PRORP: variants seen among roughly 807,000 people sequenced by gnomAD.
The protein encoded by PRORP is protein only RNase P catalytic subunit.
In PRORP, 51 loss-of-function variants were observed where a neutral mutation model predicts 59.4. That is an observed-to-expected ratio of 0.86 (90% CI 0.69 to 1.08). The LOEUF is 1.08. PRORP is among the 50% of genes least tolerant of loss of function. The pLI is 0.00. For synonymous variants in PRORP, 231 were observed against 245.6 expected (o/e 0.94, Z 0.55); for missense variants, 646 against 690.3 (o/e 0.94, Z 0.72).
chr14:35,246,226 C>T (rs2050480194), intron 5 of PRORP, among the ~76,000 whole-genome samples: 1 of 152,128 alleles, frequency 6.6e-6, no homozygotes, highest in South Asian at 2.1e-4. Flanking sequence ...CTATTTCATT[C>T]TAGAAACTGA....
intron 4 of PRORP, among the ~76,000 whole-genome samples, chr14:35,139,881 C>T (rs943707508): frequency 6.9e-6 from 1 of 145,734 alleles, no homozygotes; most frequent in African/African-American, 2.4e-5. Context: ...CTTCTCTTTC[C>T]TACCTTCAGA....
chr14:35,152,991 C>T (rs537991498), intron 4 of PRORP, among the ~76,000 whole-genome samples: 240 of 152,280 alleles, frequency 1.6e-3, no homozygotes, highest in African/African-American at 5.5e-3. Context: ...GACGGGGTGG[C>T]GGCCGGGCAG....
At chr14:35,266,064 T>G (rs1056500052) in intron 5 of PRORP, among the ~76,000 whole-genome samples, 1 of 149,556 alleles carries the variant, frequency 6.7e-6, no homozygotes, top group Non-Finnish European at 1.5e-5. Flanking sequence ...ATGCCTGTAA[T>G]CCCAGCACTT....
Position 35,273,680 on chromosome 14 carries a change from C to G in PRORP, c.*114C>G, listed in dbSNP as rs1197113482. 1 of 880,024 alleles carries G rather than the reference C, an allele frequency of 1.1e-6. No individual in the cohort carries two copies. The highest frequency in any genetic ancestry group is 1.7e-5 in the African/African-American group (1 of 58,058). 54.5% of individuals were successfully genotyped at this position (880,024 alleles called of 1,614,324 possible). A position where few individuals can be genotyped will look rare whatever the true frequency, so the allele number is the denominator to read the frequency against. On this transcript the variant is annotated 3_prime_UTR_variant, in exon 8 of 8. Coordinates refer to ENST00000534898, the MANE Select transcript of PRORP (RefSeq NM_014672.4). ...CCTCTGTCCTGAAGATAAAAGGATT[C>G]TATTAACAGCATTGACATTGATTTT...
chr14:35,142,627 A>T (rs2047509099), intron 4 of PRORP, among the ~76,000 whole-genome samples: 1 of 144,242 alleles, frequency 6.9e-6, no homozygotes, highest in Non-Finnish European at 1.5e-5. Context: ...GGATTGCCTG[A>T]GCTCAGAAGT....
intron 5 of PRORP, among the ~76,000 whole-genome samples, chr14:35,181,263 G>C (rs566197065): frequency 1.7e-3 from 264 of 151,878 alleles, no homozygotes; most frequent in African/African-American, 6.2e-3. Context: ...ATTTATAAAT[G>C]CCCTACTAGT....
intron 5 of PRORP, among the ~76,000 whole-genome samples, chr14:35,216,460 C>T (rs867968792): frequency 1.3e-5 from 2 of 152,150 alleles, no homozygotes; most frequent in South Asian, 2.1e-4. Flanking sequence ...AGGCACGTGC[C>T]ACCACACCTG....
chr14:35,187,198 A>G (rs1037433185), intron 5 of PRORP, among the ~76,000 whole-genome samples: 3 of 152,184 alleles, frequency 2.0e-5, no homozygotes, highest in Non-Finnish European at 4.4e-5. Flanking sequence ...GGTGGGTCAT[A>G]TGATAACTCT....
intron 5 of PRORP, among the ~76,000 whole-genome samples, chr14:35,238,807 G>A (rs2050286327): frequency 6.6e-6 from 1 of 152,158 alleles, no homozygotes; most frequent in South Asian, 2.1e-4. Flanking sequence ...CTGTGCTTAA[G>A]CAGTCCTATG....
At chr14:35,204,062 C>A (rs1300682325) in intron 5 of PRORP, among the ~76,000 whole-genome samples, 4 of 152,140 alleles carry the variant, frequency 2.6e-5, no homozygotes, top group African/African-American at 9.7e-5. Flanking sequence ...GTATCTGTTA[C>A]CTCCTTTAAT....
At chr14:35,245,543 G>A (rs1037425734) in intron 5 of PRORP, among the ~76,000 whole-genome samples, 1 of 152,154 alleles carries the variant, frequency 6.6e-6, no homozygotes, top group Non-Finnish European at 1.5e-5. Context: ...TACTTGGGGG[G>A]CTGAGGAAGG....
rs569349062 is a variant in PRORP at position 35,199,487 on chromosome 14, A to G, written c.1275+18710A>G. Among the ~76,000 whole-genome samples the G allele has an allele frequency of 5.9e-5, 9 of 152,126 alleles. No homozygotes were observed. In the East Asian group the frequency reaches 1.4e-3, roughly 23 times the overall value. The stretch of plus-strand genomic sequence containing the variant: ...GGTCATGAGGACTCTGCCCTCGTGG[A>G]TGGGATTAGCACCCTTATAAAAGGG... On this transcript the variant is annotated intron_variant, in intron 5 of 7. Coordinates refer to ENST00000534898, the MANE Select transcript of PRORP (RefSeq NM_014672.4).
chr14:35,180,328 G>A (rs2048571149), intron 4 of PRORP, among the ~76,000 whole-genome samples: 1 of 152,174 alleles, frequency 6.6e-6, no homozygotes, highest in South Asian at 2.1e-4. Flanking sequence ...GGCCATCTTG[G>A]AACCGCCAGT....
rs146803247 is a variant in PRORP at position 35,248,219 on chromosome 14, A to G, written c.1276-18508A>G. On this transcript the variant is annotated intron_variant, in intron 5 of 7. Transcript: ENST00000534898. ...ATTTATGACATTATAATGAAGTAAT[A>G]ATATTTTGTATATATCCATATATCC... Among the ~76,000 whole-genome samples the G allele has an allele frequency of 1.6e-4, 25 of 152,348 alleles. 1 individual carries two copies. In the East Asian group the frequency reaches 4.8e-3, roughly 29 times the overall value.
intron 5 of PRORP, among the ~76,000 whole-genome samples, chr14:35,192,602 T>C (rs984161487): frequency 1.3e-5 from 2 of 152,218 alleles, no homozygotes; most frequent in African/African-American, 2.4e-5. Flanking sequence ...TTCAATAAAT[T>C]AGGTTTTCTT....
At chr14:35,159,718 G>A (rs892440117) in intron 4 of PRORP, among the ~76,000 whole-genome samples, 1 of 152,132 alleles carries the variant, frequency 6.6e-6, no homozygotes, top group African/African-American at 2.4e-5. Context: ...CAATAACTTT[G>A]AGGGAATGAG....
At chr14:35,237,654 T>C (rs1438114729) in intron 5 of PRORP, among the ~76,000 whole-genome samples, 55 of 152,024 alleles carry the variant, frequency 3.6e-4, no homozygotes, top group Admixed American at 3.6e-3. Flanking sequence ...CTTTTCACCT[T>C]CTTAAACTTC....
intron 5 of PRORP, among the ~76,000 whole-genome samples, chr14:35,219,552 G>A (rs962631836): frequency 6.6e-6 from 1 of 152,178 alleles, no homozygotes; most frequent in African/African-American, 2.4e-5. Context: ...AGCATACCTT[G>A]CCCCTTACCT....
At position 35,190,226 on chromosome 14, in the gene PRORP, C is replaced by T. The variant is rs2048848752; in HGVS notation, c.1275+9449C>T. Among the ~76,000 whole-genome samples, 3 of 151,624 alleles carry T rather than the reference C, an allele frequency of 2.0e-5. No individual in the cohort carries two copies. In the South Asian group the frequency reaches 6.3e-4, roughly 32 times the overall value. On this transcript the variant is annotated intron_variant, in intron 5 of 7. Coordinates refer to ENST00000534898, the MANE Select transcript of PRORP (RefSeq NM_014672.4). The stretch of plus-strand genomic sequence containing the variant: ...CCAGCCTGGCCAACATGGCGAAACC[C>T]TGTCTCTATTAAAAATACAAAATTA...
Sources: gnomAD v4.1 joint callset for allele counts (sites outside exome capture counted in the v4.1 genomes callset) on GRCh38, gnomAD v4.1.1 for gene constraint, MANE v1.5 for transcripts, NCBI Gene and HGNC (gene_info 2026-07-23, HGNC 2026-07-21) for gene names.